THSD7B: variants seen among roughly 807,000 people sequenced by gnomAD.
THSD7B encodes thrombospondin type 1 domain containing 7B.
Under a neutral mutation model 213.6 loss-of-function variants are expected in THSD7B, and 138 were observed. The observed-to-expected ratio is 0.65, with a 90% confidence interval of 0.56 to 0.74. THSD7B has a LOEUF of 0.74. Ranked by LOEUF, THSD7B falls within the 30% of genes least tolerant of loss-of-function variation. The probability of loss-of-function intolerance (pLI) is 0.00; values close to 1 mark genes in which losing one functional copy is unlikely to be tolerated. For missense variants in THSD7B, 1,931 were observed against 1,991.5 expected, an observed-to-expected ratio of 0.97 and a Z score of 0.58; for synonymous variants, 742 against 687.0, an observed-to-expected ratio of 1.08 and a Z score of -1.25.
At chr2:137,320,394 C>T (rs1684237016) in intron 12 of THSD7B, among the ~76,000 whole-genome samples, 1 of 152,180 alleles carries the variant, frequency 6.6e-6, no homozygotes, top group Non-Finnish European at 1.5e-5. Context: ...TAAAATGAAT[C>T]ATCCAAATAT....
intron 6 of THSD7B, among the ~76,000 whole-genome samples, chr2:137,168,609 C>T (rs914288575): frequency 1.3e-5 from 2 of 152,116 alleles, no homozygotes; most frequent in Non-Finnish European, 2.9e-5. Flanking sequence ...TGGAGGAAAA[C>T]TGAACATGCC....
chr2:137,532,907 A>T (rs1275517657), intron 15 of THSD7B, among the ~76,000 whole-genome samples: 1 of 151,476 alleles, frequency 6.6e-6, no homozygotes, highest in Non-Finnish European at 1.5e-5. Flanking sequence ...ATATATATGT[A>T]TACATATATG....
chr2:137,307,783 A>T (rs960118763), intron 12 of THSD7B, among the ~76,000 whole-genome samples: 3 of 152,110 alleles, frequency 2.0e-5, no homozygotes, highest in Non-Finnish European at 2.9e-5. Context: ...TTCTTCTTAG[A>T]GTAGATTAGC....
intron 7 of THSD7B, among the ~76,000 whole-genome samples, chr2:137,215,236 G>C (rs1040118448): frequency 6.6e-6 from 1 of 152,152 alleles, no homozygotes; most frequent in Non-Finnish European, 1.5e-5. Flanking sequence ...TTTCTTTTGA[G>C]AAATGTTTGT....
chr2:137,489,311 A>T (rs1289934345), intron 15 of THSD7B, among the ~76,000 whole-genome samples: 1 of 151,792 alleles, frequency 6.6e-6, no homozygotes, highest in African/African-American at 2.4e-5. Context: ...TGTAGTCACC[A>T]CTACTTGGGA....
At chr2:136,793,126 T>C (rs1681997509) in intron 1 of THSD7B, among the ~76,000 whole-genome samples, 2 of 152,068 alleles carry the variant, frequency 1.3e-5, no homozygotes, top group African/African-American at 4.8e-5. Flanking sequence ...TGCTGTGTTT[T>C]AATATAAGTT....
At chr2:137,303,280 C>G (rs1683649584) in intron 12 of THSD7B, among the ~76,000 whole-genome samples, 1 of 152,142 alleles carries the variant, frequency 6.6e-6, no homozygotes, top group Non-Finnish European at 1.5e-5. Context: ...CTTCAGCCTC[C>G]CAAAGTTTTG....
intron 15 of THSD7B, among the ~76,000 whole-genome samples, chr2:137,522,152 C>A (rs975826712): frequency 2.6e-5 from 4 of 152,160 alleles, no homozygotes. Context: ...GGTGCACTAG[C>A]CAGGACTCCC....
intron 4 of THSD7B, among the ~76,000 whole-genome samples, chr2:137,113,029 T>G (rs57777827): frequency 0.012 from 1,871 of 152,282 alleles, 48 homozygotes; most frequent in African/African-American, 0.042. Flanking sequence ...CACACTACCC[T>G]CTTTTTGCGT....
chr2:137,177,769 T>C (rs1680385351), intron 7 of THSD7B, among the ~76,000 whole-genome samples: 1 of 152,180 alleles, frequency 6.6e-6, no homozygotes, highest in East Asian at 1.9e-4. Flanking sequence ...TACACTTAGT[T>C]AGAATCAAGA....
intron 2 of THSD7B, among the ~76,000 whole-genome samples, chr2:136,980,209 C>T (rs1383273304): frequency 6.6e-6 from 1 of 152,152 alleles, no homozygotes; most frequent in East Asian, 1.9e-4. Context: ...CTGGAGACCC[C>T]TGTTGGGAGG....
At chr2:137,490,897 G>A (rs1451289380) in intron 15 of THSD7B, among the ~76,000 whole-genome samples, 1 of 152,214 alleles carries the variant, frequency 6.6e-6, no homozygotes, top group Admixed American at 6.5e-5. Flanking sequence ...ATTCAAGCAT[G>A]TTGTGGATTA....
intron 17 of THSD7B, among the ~76,000 whole-genome samples, chr2:137,600,662 C>T (rs561738219): frequency 4.5e-4 from 68 of 152,254 alleles, no homozygotes; most frequent in Middle Eastern, 3.4e-3. Context: ...CACTTGAACC[C>T]GTGGGGAAGA....
chr2:136,770,425 TA>T (rs1179743785), intron 1 of THSD7B, among the ~76,000 whole-genome samples: 2 of 152,144 alleles, frequency 1.3e-5, no homozygotes, highest in African/African-American at 4.8e-5. Context: ...CTGGTAAAAA[TA>T]TTGAACTATT....
intron 12 of THSD7B, among the ~76,000 whole-genome samples, chr2:137,296,449 C>G (rs1261762616): frequency 6.6e-6 from 1 of 152,118 alleles, no homozygotes; most frequent in Non-Finnish European, 1.5e-5. Context: ...GTTGGTAAGG[C>G]TCTATTAGCA....
At chr2:136,769,855 A>G (rs879332129) in intron 1 of THSD7B, among the ~76,000 whole-genome samples, 1 of 152,220 alleles carries the variant, frequency 6.6e-6, no homozygotes, top group Non-Finnish European at 1.5e-5. Flanking sequence ...AAAGGCTATC[A>G]TTGTTGAACT....
Position 136,916,409 on chromosome 2 carries a change from C to T in THSD7B, c.139+34092C>T, listed in dbSNP as rs186287864. Among the ~76,000 whole-genome samples the T allele has an allele frequency of 1.8e-3, 279 of 152,230 alleles. 1 individual carries two copies. The highest frequency in any genetic ancestry group is 2.8e-3 in the Non-Finnish European group (189 of 68,016). ...TGGAGTGCCTGCCAGGCCAGGCAGACGGTTAGTGTGCATTCACTCATTTCC... is the reference window on the plus strand; with the variant it reads ...TGGAGTGCCTGCCAGGCCAGGCAGATGGTTAGTGTGCATTCACTCATTTCC... On this transcript the variant is annotated intron_variant, in intron 2 of 27. Coordinates refer to ENST00000409968, the MANE Select transcript of THSD7B (RefSeq NM_001316349.2).
chr2:137,433,925 T>C (rs1687239129), intron 14 of THSD7B, among the ~76,000 whole-genome samples: 1 of 152,182 alleles, frequency 6.6e-6, no homozygotes, highest in African/African-American at 2.4e-5. Context: ...CTTTTACCTG[T>C]ATTCCTTTTT....
intron 15 of THSD7B, among the ~76,000 whole-genome samples, chr2:137,520,440 T>C (rs1252021341): frequency 6.6e-6 from 1 of 152,218 alleles, no homozygotes; most frequent in South Asian, 2.1e-4. Context: ...AGCACCTGCA[T>C]TTAACAGAAG....
Sources: gnomAD v4.1 joint callset for allele counts (sites outside exome capture counted in the v4.1 genomes callset) on GRCh38, gnomAD v4.1.1 for gene constraint, MANE v1.5 for transcripts, NCBI Gene and HGNC (gene_info 2026-07-23, HGNC 2026-07-21) for gene names.